The following TNRC6B variants were observed in gnomAD, a reference collection of about 807,000 sequenced individuals.
The protein encoded by TNRC6B is trinucleotide repeat containing adaptor 6B.
TNRC6B carries 52 observed loss-of-function variants against 203.6 expected under a neutral mutation model. The observed-to-expected ratio is 0.26, with a 90% confidence interval of 0.20 to 0.32. The LOEUF is 0.32. TNRC6B is among the 10% of genes least tolerant of loss of function. The probability of loss-of-function intolerance (pLI) is 1.00; values close to 1 mark genes in which losing one functional copy is unlikely to be tolerated. For missense variants in TNRC6B, 1,923 were observed against 2,286.2 expected (o/e 0.84, Z 3.24); for synonymous variants, 838 against 845.7 (o/e 0.99, Z 0.16).
intron 12 of TNRC6B, 60 bp downstream of exon 12, chr22:40,285,830 T>C: frequency 6.3e-7 from 1 of 1,579,626 alleles, no homozygotes; most frequent in South Asian, 1.2e-5. Context: ...CATTACCAGT[T>C]GTTAACTGAT....
At chr22:40,160,303 C>T (rs879468525) in intron 4 of TNRC6B, among the ~76,000 whole-genome samples, 5 of 151,788 alleles carry the variant, frequency 3.3e-5, no homozygotes, top group Non-Finnish European at 7.4e-5. Flanking sequence ...ATGGAGAAAC[C>T]CCGTCTCTAC....
chr22:40,309,498 A>G (rs2071142095), intron 16 of TNRC6B, among the ~76,000 whole-genome samples: 1 of 152,234 alleles, frequency 6.6e-6, no homozygotes, highest in Non-Finnish European at 1.5e-5. Flanking sequence ...TGCCATCCCT[A>G]AGCATTATCA....
At chr22:40,276,554 A>T (rs2070647422) in intron 7 of TNRC6B, among the ~76,000 whole-genome samples, 1 of 152,136 alleles carries the variant, frequency 6.6e-6, no homozygotes, top group Non-Finnish European at 1.5e-5. Flanking sequence ...TGCCCAGGAG[A>T]TCAGCAATGG....
chr22:40,219,343 C>G (rs767245928), intron 1 of TNRC6B, among the ~76,000 whole-genome samples: 58 of 152,094 alleles, frequency 3.8e-4, no homozygotes, highest in Admixed American at 1.4e-3. Flanking sequence ...TATGAAGGAG[C>G]AAGAAAGTCA....
In TNRC6B at chr22:40,264,542, C is replaced by T. The variant is rs372964068; in HGVS notation, c.458-146C>T. 21 of 822,098 alleles carry T rather than the reference C, an allele frequency of 2.6e-5. No individual in the cohort carries two copies. The East Asian group carries it at 2.8e-4, about 11-fold the overall frequency. 50.9% of individuals were successfully genotyped at this position (822,098 alleles called of 1,614,324 possible). A position where few individuals can be genotyped will look rare whatever the true frequency, so the allele number is the denominator to read the frequency against. ...AATGAAAAAAAAGAGATGACTAAGA[C>T]AGTTGTGATACAAGCAACTGGGTTG... On this transcript the variant is annotated intron_variant, in intron 4 of 22. Transcript: ENST00000454349.
chr22:40,273,146 G>C (rs1283478248), intron 6 of TNRC6B, among the ~76,000 whole-genome samples: 1 of 152,120 alleles, frequency 6.6e-6, no homozygotes, highest in Non-Finnish European at 1.5e-5. Flanking sequence ...GTTCTTTTCA[G>C]TTTTGAAATT....
At chr22:40,244,281 G>A (rs5750913) in intron 1 of TNRC6B, among the ~76,000 whole-genome samples, 105,809 of 152,056 alleles carry the variant, frequency 0.7, 38,196 homozygotes, top group East Asian at 0.99. Context: ...GAGGCACACA[G>A]TCTGACTCCA....
chr22:40,101,361 G>A (rs2068239536), intron 1 of TNRC6B, among the ~76,000 whole-genome samples: 1 of 152,162 alleles, frequency 6.6e-6, no homozygotes. Flanking sequence ...CTTGTTAACA[G>A]CACATTGCCG....
intron 2 of TNRC6B, among the ~76,000 whole-genome samples, chr22:40,119,745 G>A (rs2068426194): frequency 6.6e-6 from 1 of 152,166 alleles, no homozygotes; most frequent in South Asian, 2.1e-4. Context: ...TTGTGACTCT[G>A]TTAGCACTGA....
intron 4 of TNRC6B, chr22:40,156,206 G>A (rs748812341): frequency 6.4e-7 from 1 of 1,555,522 alleles, no homozygotes; most frequent in South Asian, 1.2e-5. Flanking sequence ...TATTTAAAAA[G>A]AGTCCTATTA....
intron 1 of TNRC6B, among the ~76,000 whole-genome samples, chr22:40,219,202 A>G (rs1031158514): frequency 1.3e-5 from 2 of 152,150 alleles, no homozygotes; most frequent in African/African-American, 4.8e-5. Context: ...TGTCTGGTTC[A>G]CCTCTGTATC....
chr22:40,120,998 C>T (rs1431221658), intron 2 of TNRC6B, among the ~76,000 whole-genome samples: 1 of 152,192 alleles, frequency 6.6e-6, no homozygotes, highest in African/African-American at 2.4e-5. Context: ...TTCTTCCAAA[C>T]ACACTCATCA....
intron 16 of TNRC6B, 29 bp downstream of exon 16, chr22:40,308,678 C>T (rs1213753208): frequency 6.3e-7 from 1 of 1,593,340 alleles, no homozygotes; most frequent in South Asian, 1.1e-5. Flanking sequence ...GCTAGAGCCC[C>T]CAACCCACAG....
intron 1 of TNRC6B, among the ~76,000 whole-genome samples, chr22:40,223,147 GTTTT>G (rs879722633): frequency 7.0e-6 from 1 of 142,012 alleles, no homozygotes; most frequent in African/African-American, 2.6e-5. Context: ...GTAATACTAG[GTTTT>G]TTTTTTTGAA....
At chr22:40,053,856 G>A (rs930751173) in intron 1 of TNRC6B, among the ~76,000 whole-genome samples, 2 of 152,312 alleles carry the variant, frequency 1.3e-5, no homozygotes, top group South Asian at 2.1e-4. Flanking sequence ...TGTGTTCTGT[G>A]TATATCTTAA....
intron 1 of TNRC6B, among the ~76,000 whole-genome samples, chr22:40,243,959 C>T (rs2070068153): frequency 6.9e-6 from 1 of 145,534 alleles, no homozygotes; most frequent in Admixed American, 6.9e-5. Flanking sequence ...AACCTAATAC[C>T]TTTTTTTTTT....
At chr22:40,238,146 GC>G (rs1455267706) in intron 1 of TNRC6B, among the ~76,000 whole-genome samples, 1 of 152,102 alleles carries the variant, frequency 6.6e-6, no homozygotes, top group Admixed American at 6.6e-5. Context: ...TGGTGTTTGT[GC>G]CACGGACATA....
At chr22:40,192,672 A>G (rs2069289213) in intron 1 of TNRC6B, among the ~76,000 whole-genome samples, 2 of 151,724 alleles carry the variant, frequency 1.3e-5, no homozygotes, top group South Asian at 4.2e-4. Context: ...GGATGAGTCC[A>G]TCAGCTATGG....
At chr22:40,203,974 C>G (rs936509482) in intron 1 of TNRC6B, among the ~76,000 whole-genome samples, 3 of 152,174 alleles carry the variant, frequency 2.0e-5, no homozygotes, top group Admixed American at 6.5e-5. Context: ...CTCCATCTCC[C>G]CACCCAAATA....
Sources: gnomAD v4.1 joint callset for allele counts (sites outside exome capture counted in the v4.1 genomes callset) on GRCh38, gnomAD v4.1.1 for gene constraint, MANE v1.5 for transcripts, NCBI Gene and HGNC (gene_info 2026-07-23, HGNC 2026-07-21) for gene names.